C1QTNF3: variants seen among roughly 807,000 people sequenced by gnomAD.
The protein encoded by C1QTNF3 is C1q and TNF related 3.
Under a neutral mutation model 32.6 loss-of-function variants are expected in C1QTNF3, and 26 were observed. That is an observed-to-expected ratio of 0.80 (90% CI 0.58 to 1.11). The LOEUF (loss-of-function observed/expected upper bound fraction) is 1.11. C1QTNF3 is among the 50% of genes least tolerant of loss of function. C1QTNF3 has a pLI of 0.00. For synonymous variants in C1QTNF3, 155 were observed against 146.0 expected, an observed-to-expected ratio of 1.06 and a Z score of -0.44; for missense variants, 362 against 398.2, an observed-to-expected ratio of 0.91 and a Z score of 0.77.
chr5:34,119,104 G>A, the C1QTNF3 span, among the ~76,000 whole-genome samples: 1 of 152,082 alleles, frequency 6.6e-6, no homozygotes, highest in African/African-American at 2.4e-5. Flanking sequence ...TTTAAAAATT[G>A]AAATAATGTC....
At chr5:34,085,737 A>T in the C1QTNF3 span, among the ~76,000 whole-genome samples, 1 of 151,814 alleles carries the variant, frequency 6.6e-6, no homozygotes, top group African/African-American at 2.4e-5. Flanking sequence ...AACCACAATG[A>T]GATACCATCT....
the C1QTNF3 span, among the ~76,000 whole-genome samples, chr5:34,131,726 C>T: frequency 6.6e-6 from 1 of 151,930 alleles, no homozygotes; most frequent in Non-Finnish European, 1.5e-5. Context: ...GTGGGATGAC[C>T]GTAGTTGATA....
chr5:34,028,342 C>T (rs1754529683), intron 4 of C1QTNF3, among the ~76,000 whole-genome samples: 1 of 152,070 alleles, frequency 6.6e-6, no homozygotes, highest in African/African-American at 2.4e-5. Flanking sequence ...ATCAGGCACT[C>T]CTTGAGGTGG....
chr5:34,033,921 C>G lies in C1QTNF3; in HGVS notation c.416-463G>C, dbSNP rs140811201. Among the ~76,000 whole-genome samples, 15 of 152,288 alleles carry G rather than the reference C, an allele frequency of 9.8e-5. No individual in the cohort carries two copies. The East Asian group carries it at 2.9e-3, about 29-fold the overall frequency. On this transcript the variant is annotated intron_variant, in intron 2 of 5. Coordinates refer to ENST00000382065, the MANE Select transcript of C1QTNF3 (RefSeq NM_181435.6). Reference sequence around the variant, plus strand: ...TCACAACTGTAATCTCAACACTTTGCGAAGCCACAGTGGGAGGATCACTTG... The same window carrying G: ...TCACAACTGTAATCTCAACACTTTGGGAAGCCACAGTGGGAGGATCACTTG...
At chr5:34,080,308 G>A in the C1QTNF3 span, among the ~76,000 whole-genome samples, 1 of 151,684 alleles carries the variant, frequency 6.6e-6, no homozygotes, top group African/African-American at 2.4e-5. Context: ...AGGATCTCAG[G>A]ATTAGAGATG....
At chr5:34,073,245 T>C in the C1QTNF3 span, among the ~76,000 whole-genome samples, 2 of 150,478 alleles carry the variant, frequency 1.3e-5, no homozygotes, top group Non-Finnish European at 2.9e-5. Flanking sequence ...GAGAATGGCG[T>C]GAACCTGGGA....
chr5:34,117,800 T>G, the C1QTNF3 span, among the ~76,000 whole-genome samples: 6 of 152,144 alleles, frequency 3.9e-5, no homozygotes, highest in South Asian at 2.1e-4. Flanking sequence ...AAAAAGGATC[T>G]GATACAAGTT....
chr5:34,134,926 C>A, the C1QTNF3 span, among the ~76,000 whole-genome samples: 81 of 152,232 alleles, frequency 5.3e-4, 1 homozygote, highest in African/African-American at 1.9e-3. Context: ...TTTCTCTTGC[C>A]TGATTGCCCT....
chr5:34,041,580 G>A (rs78672316), intron 1 of C1QTNF3, among the ~76,000 whole-genome samples: 1 of 152,272 alleles, frequency 6.6e-6, no homozygotes, highest in East Asian at 1.9e-4. Flanking sequence ...ACAAATTAGT[G>A]CTAATCATTA....
At chr5:34,052,026 T>G in the C1QTNF3 span, among the ~76,000 whole-genome samples, 1 of 152,182 alleles carries the variant, frequency 6.6e-6, no homozygotes, top group Non-Finnish European at 1.5e-5. Flanking sequence ...TAATCCCAGC[T>G]ACTCGGGAGT....
At chr5:34,050,366 G>T in the C1QTNF3 span, among the ~76,000 whole-genome samples, 1 of 152,172 alleles carries the variant, frequency 6.6e-6, no homozygotes, top group Non-Finnish European at 1.5e-5. Context: ...GGCTTATTCA[G>T]ATAATACCAC....
intron 4 of C1QTNF3, among the ~76,000 whole-genome samples, chr5:34,024,785 A>C (rs1417907766): frequency 1.3e-5 from 2 of 152,246 alleles, no homozygotes; most frequent in African/African-American, 4.8e-5. Flanking sequence ...GATTAAGAAG[A>C]ATCCAATAGC....
chr5:34,078,468 AAGG>A, the C1QTNF3 span, among the ~76,000 whole-genome samples: 1 of 151,806 alleles, frequency 6.6e-6, no homozygotes, highest in Non-Finnish European at 1.5e-5. This position sits in a 1 kb window ranked among gnomAD's most constrained non-coding sequence, Gnocchi z 4.0. Flanking sequence ...AGGAGGAGAG[AAGG>A]AGAACAGGAG....
the C1QTNF3 span, among the ~76,000 whole-genome samples, chr5:34,159,642 C>T: frequency 2.0e-5 from 3 of 151,818 alleles, no homozygotes; most frequent in Non-Finnish European, 4.4e-5. Context: ...TGTCTTTATT[C>T]TATTTTATTA....
intron 4 of C1QTNF3, among the ~76,000 whole-genome samples, chr5:34,027,105 C>T (rs959612460): frequency 6.6e-6 from 1 of 152,222 alleles, no homozygotes; most frequent in Non-Finnish European, 1.5e-5. Flanking sequence ...GATGGTTAAA[C>T]AAAATATGAG....
At position 34,042,921 on chromosome 5, in the gene C1QTNF3, CCA is replaced by C. The variant is rs1449422271; in HGVS notation, c.203_204del (p.Val68GlyfsTer2). The C allele has an allele frequency of 1.6e-5, 26 of 1,614,040 alleles. No homozygotes were observed. The highest frequency in any genetic ancestry group is 4.0e-5 in the African/African-American group (3 of 74,902). On this transcript the variant is annotated frameshift_variant, in exon 1 of 6. Transcript: ENST00000382065. LOFTEE classifies it high-confidence loss of function. ...RERSHPKTGTVDNNTSTDLKS... is the reference protein window; with the variant it reads ...RERSHPKTGTXDNNTSTDLKS... ...TTTAGGTCTGTAGAAGTGTTATTAT[CCA>C]CAGTCCCAGTTTTAGGATGGCTCCG...
At chr5:34,042,660 T>C (rs1754899468) in intron 1 of C1QTNF3, among the ~76,000 whole-genome samples, 163 bp downstream of exon 1, 1 of 152,172 alleles carries the variant, frequency 6.6e-6, no homozygotes, top group Non-Finnish European at 1.5e-5. Flanking sequence ...GTCTCTCTTG[T>C]ACCCAAGAGC....
the C1QTNF3 span, among the ~76,000 whole-genome samples, chr5:34,209,186 T>C: frequency 6.6e-6 from 1 of 152,158 alleles, no homozygotes; most frequent in Non-Finnish European, 1.5e-5. Flanking sequence ...AATCCAGCAT[T>C]TTTCCGAAAA....
chr5:34,068,545 GGAGA>G, the C1QTNF3 span, among the ~76,000 whole-genome samples: 38 of 149,138 alleles, frequency 2.5e-4, no homozygotes, highest in South Asian at 6.5e-4. Context: ...AGAGAGAGAG[GGAGA>G]GAGAGAGAGA....
Sources: allele counts gnomAD v4.1 joint callset (sites outside exome capture counted in the v4.1 genomes callset), GRCh38; gene constraint gnomAD v4.1.1; non-coding constraint Gnocchi (gnomAD v3.1); transcripts MANE v1.5; gene names NCBI Gene and HGNC (gene_info 2026-07-23, HGNC 2026-07-21).